ACO2: variants seen among roughly 807,000 people sequenced by gnomAD.
ACO2 encodes aconitate hydratase, mitochondrial.
In ACO2, 31 loss-of-function variants were observed where a neutral mutation model predicts 84.5. The observed-to-expected ratio is 0.37, with a 90% CI of 0.28 to 0.50. The LOEUF (loss-of-function observed/expected upper bound fraction) is 0.50. Ranked by LOEUF, ACO2 falls within the 20% of genes least tolerant of loss-of-function variation. The pLI, the probability that ACO2 is intolerant of heterozygous loss-of-function variation, is 0.97. For missense variants in ACO2, 685 were observed against 1,029.3 expected, an observed-to-expected ratio of 0.67 and a Z score of 4.58; for synonymous variants, 414 against 412.7, an observed-to-expected ratio of 1.00 and a Z score of -0.04.
At chr22:41,482,552 A>G (rs2038101265) in intron 1 of ACO2, among the ~76,000 whole-genome samples, 1 of 152,218 alleles carries the variant, frequency 6.6e-6, no homozygotes, top group Admixed American at 6.5e-5. Flanking sequence ...CTTAGGTGTA[A>G]AATTAGGAAG....
chr22:41,516,834 G>A (rs2066479523), intron 6 of ACO2, among the ~76,000 whole-genome samples: 1 of 152,020 alleles, frequency 6.6e-6, no homozygotes, highest in African/African-American at 2.4e-5. Context: ...GCAATTCTCC[G>A]GTCTCAGCCT....
At chr22:41,479,429 G>A (rs2038060816) in intron 1 of ACO2, among the ~76,000 whole-genome samples, 1 of 152,202 alleles carries the variant, frequency 6.6e-6, no homozygotes, top group African/African-American at 2.4e-5. Context: ...ATGAAACTGA[G>A]TCCCAGAGAG....
At chr22:41,509,708 G>A (rs919215915) in intron 3 of ACO2, among the ~76,000 whole-genome samples, 2 of 152,042 alleles carry the variant, frequency 1.3e-5, no homozygotes, top group Admixed American at 1.3e-4. Context: ...TTGGAAGAGC[G>A]GGTGGTATGA....
intron 2 of ACO2, among the ~76,000 whole-genome samples, chr22:41,502,639 C>T (rs2066361430): frequency 6.6e-6 from 1 of 152,326 alleles, no homozygotes; most frequent in African/African-American, 2.4e-5. Context: ...GACTGAGCCT[C>T]ACTCTGTCAC....
At position 41,523,194 on chromosome 22, in the gene ACO2, C is replaced by T. The variant is rs747295924; in HGVS notation, c.1297-11C>T. The T allele has an allele frequency of 6.2e-6, 10 of 1,609,758 alleles. No individual in the cohort carries two copies. In the Admixed American group the frequency reaches 8.4e-5, roughly 14 times the overall value. ...CACCCTTGACATTCTGTCTTCCTCT[C>T]TCCCTGGCAGGCACAGATCTTGAGG... On this transcript the variant is annotated splice_polypyrimidine_tract_variant and intron_variant, in intron 10 of 17. Coordinates refer to ENST00000216254, the MANE Select transcript of ACO2 (RefSeq NM_001098.3).
intron 9 of ACO2, among the ~76,000 whole-genome samples, chr22:41,520,489 T>C (rs2066515197): frequency 6.6e-6 from 1 of 152,116 alleles, no homozygotes; most frequent in South Asian, 2.1e-4. Flanking sequence ...GTGGATTACT[T>C]GAGTCTAGGG....
intron 1 of ACO2, among the ~76,000 whole-genome samples, chr22:41,482,380 C>A (rs1601883283): frequency 6.6e-6 from 1 of 152,174 alleles, no homozygotes; most frequent in Non-Finnish European, 1.5e-5. Flanking sequence ...TTAGGCAGGC[C>A]CCTTCCTGTC....
At position 41,478,462 on chromosome 22, in the gene ACO2, C is replaced by G. The variant is rs113602233; in HGVS notation, c.36+9280C>G. On this transcript the variant is annotated intron_variant, in intron 1 of 17. Transcript: ENST00000216254. ...CCTGGCCAAGAAAACCCTTTCAATA[C>G]TGTTTTAAAAGAGTTGGGGGAAGAG... Among the ~76,000 whole-genome samples, 662 of 152,288 alleles carry G rather than the reference C, an allele frequency of 4.3e-3. 6 individuals carry two copies. The highest frequency in any genetic ancestry group is 0.034 in the Middle Eastern group (10 of 294).
Position 41,528,514 on chromosome 22 carries a change from C to G in ACO2, c.2244C>G (p.Thr748=), listed in dbSNP as rs776176904. 6.2e-7 allele frequency: 1 copy of G among 1,612,724 alleles called. No homozygotes were observed. The highest frequency in any genetic ancestry group is 2.2e-5 in the East Asian group (1 of 44,870). The stretch of plus-strand genomic sequence containing the variant: ...GCATCATCAAGCACCCCAACGGGAC[C>G]CAGGAGACCATCCTCCTGAACCACA... ...LKCIIKHPNG[T]QETILLNHTF... Residue 748 remains threonine, a synonymous_variant, in exon 18 of 18, where the codon ACC becomes ACG. Coordinates refer to ENST00000216254, the MANE Select transcript of ACO2 (RefSeq NM_001098.3).
At chr22:41,507,477 A>G (rs1181263617) in intron 2 of ACO2, among the ~76,000 whole-genome samples, 1 of 152,164 alleles carries the variant, frequency 6.6e-6, no homozygotes, top group Non-Finnish European at 1.5e-5. Context: ...GCGGGGACTT[A>G]GTAGGAATTA....
chr22:41,525,030 TCACAGCACCTCCTGTGCAG>T, intron 13 of ACO2, 62 bp downstream of exon 13: 1 of 1,612,728 alleles, frequency 6.2e-7, no homozygotes, highest in South Asian at 1.1e-5. Flanking sequence ...CTTCTCAACC[TCACAGCACCTCCTGTGCAG>T]GCAGGGAGGG....
chr22:41,497,511 C>T (rs1049959609), intron 1 of ACO2, among the ~76,000 whole-genome samples: 5 of 151,972 alleles, frequency 3.3e-5, no homozygotes, highest in South Asian at 2.1e-4. Context: ...GAGGCTGAGG[C>T]GGGAGGATTG....
intron 1 of ACO2, among the ~76,000 whole-genome samples, chr22:41,498,616 CT>C (rs1410751343): frequency 6.6e-6 from 1 of 152,150 alleles, no homozygotes; most frequent in Non-Finnish European, 1.5e-5. Flanking sequence ...CAAGAGGCCC[CT>C]GTTCCTGTCT....
At chr22:41,483,427 C>T (rs1162717016) in intron 1 of ACO2, among the ~76,000 whole-genome samples, 3 of 152,080 alleles carry the variant, frequency 2.0e-5, no homozygotes, top group South Asian at 4.1e-4. Context: ...GAGGCCAAGG[C>T]GGGCGGATCA....
intron 1 of ACO2, among the ~76,000 whole-genome samples, chr22:41,489,095 G>A (rs1019290070): frequency 5.9e-5 from 9 of 151,988 alleles, no homozygotes; most frequent in Admixed American, 3.9e-4. Context: ...CTGGAGTGCA[G>A]TGGCACACAT....
intron 1 of ACO2, among the ~76,000 whole-genome samples, chr22:41,472,334 C>T (rs916861226): frequency 1.3e-5 from 2 of 148,156 alleles, no homozygotes; most frequent in Non-Finnish European, 3.0e-5. Context: ...GCCTGGGTGA[C>T]AGAGTGAGAC....
At chr22:41,485,209 T>TAAAC (rs1345373771) in intron 1 of ACO2, among the ~76,000 whole-genome samples, 177 of 152,172 alleles carry the variant, frequency 1.2e-3, no homozygotes, top group African/African-American at 4.1e-3. Flanking sequence ...TTGCCCCTTG[T>TAAAC]AAACAGCAGG....
intron 2 of ACO2, among the ~76,000 whole-genome samples, chr22:41,506,043 T>C (rs2066390502): frequency 6.6e-6 from 1 of 151,996 alleles, no homozygotes; most frequent in East Asian, 1.9e-4. Flanking sequence ...TGTTAAATAG[T>C]GGTTTCAGTA....
intron 3 of ACO2, among the ~76,000 whole-genome samples, chr22:41,508,875 G>A (rs952050220): frequency 2.6e-5 from 4 of 152,132 alleles, no homozygotes; most frequent in African/African-American, 7.2e-5. Context: ...GCAGGGCTGC[G>A]GCCTGTGGGC....
Sources: gnomAD v4.1 joint callset for allele counts (sites outside exome capture counted in the v4.1 genomes callset) on GRCh38, gnomAD v4.1.1 for gene constraint, MANE v1.5 for transcripts, NCBI Gene and HGNC (gene_info 2026-07-23, HGNC 2026-07-21) for gene names.